The following AGMO variants were observed in gnomAD, a reference collection of about 807,000 sequenced individuals.
The protein encoded by AGMO is alkylglycerol monooxygenase.
In AGMO, 75 loss-of-function variants were observed where a neutral mutation model predicts 60.2. That is an observed-to-expected ratio of 1.25 (90% CI 1.03 to 1.51). AGMO has a LOEUF of 1.51. Among genes scored for constraint, AGMO ranks in the 40% most tolerant of loss-of-function variants. The pLI, the probability that AGMO is intolerant of heterozygous loss-of-function variation, is 0.00. For synonymous variants in AGMO, 261 were observed against 177.1 expected (o/e 1.47, Z -3.76); for missense variants, 763 against 525.5 (o/e 1.45, Z -4.42).
At chr7:15,368,539 A>G (rs2128563201) in intron 10 of AGMO, among the ~76,000 whole-genome samples, 1 of 152,290 alleles carries the variant, frequency 6.6e-6, no homozygotes, top group Non-Finnish European at 1.5e-5. Context: ...TTAAAGCCTC[A>G]GCTATGCGTT....
chr7:15,131,482 C>T, the AGMO span, among the ~76,000 whole-genome samples: 1 of 151,964 alleles, frequency 6.6e-6, no homozygotes, highest in Non-Finnish European at 1.5e-5. Context: ...GAAATAATGG[C>T]GTGGACACCC....
At chr7:15,186,257 T>G in the AGMO span, among the ~76,000 whole-genome samples, 1 of 152,212 alleles carries the variant, frequency 6.6e-6, no homozygotes, top group Non-Finnish European at 1.5e-5. Flanking sequence ...ACTGCAAGCA[T>G]TTTTGGTCAG....
At chr7:15,549,530 G>A (rs1352317970) in intron 2 of AGMO, among the ~76,000 whole-genome samples, 16 of 151,300 alleles carry the variant, frequency 1.1e-4, no homozygotes, top group African/African-American at 1.7e-4. Context: ...GTCTCTGATA[G>A]AACAGACTTT....
chr7:15,554,575 T>C (rs1583685186), intron 2 of AGMO, among the ~76,000 whole-genome samples: 1 of 152,226 alleles, frequency 6.6e-6, no homozygotes, highest in East Asian at 1.9e-4. Context: ...AAATGAAAAG[T>C]AGCTTACTTC....
intron 12 of AGMO, among the ~76,000 whole-genome samples, chr7:15,327,064 G>A (rs757435106): frequency 1.3e-5 from 2 of 152,164 alleles, no homozygotes; most frequent in Admixed American, 1.3e-4. Flanking sequence ...TGAAGGCAGA[G>A]ATTTGAATCC....
intron 12 of AGMO, among the ~76,000 whole-genome samples, chr7:15,331,497 A>G (rs1218445497): frequency 6.6e-6 from 1 of 152,162 alleles, no homozygotes; most frequent in Non-Finnish European, 1.5e-5. Context: ...ATTCAGGGAA[A>G]GGGGTAGAAG....
intron 10 of AGMO, among the ~76,000 whole-genome samples, chr7:15,377,999 T>G (rs1783522944): frequency 6.6e-6 from 1 of 152,072 alleles, no homozygotes; most frequent in Admixed American, 6.6e-5. Context: ...TGGTACACTA[T>G]GCAATTTGTT....
At chr7:15,341,822 G>A (rs1781858243) in intron 12 of AGMO, among the ~76,000 whole-genome samples, 1 of 152,080 alleles carries the variant, frequency 6.6e-6, no homozygotes, top group African/African-American at 2.4e-5. Context: ...GTCTTTCAAG[G>A]CAGCTAGCAA....
intron 3 of AGMO, among the ~76,000 whole-genome samples, chr7:15,523,484 A>G (rs1192142358): frequency 6.6e-6 from 1 of 152,236 alleles, no homozygotes; most frequent in Non-Finnish European, 1.5e-5. Context: ...CATATACACC[A>G]TGGAATACTA....
At chr7:15,194,734 T>C in the AGMO span, among the ~76,000 whole-genome samples, 3 of 152,318 alleles carry the variant, frequency 2.0e-5, no homozygotes, top group Admixed American at 2.0e-4. Flanking sequence ...GAGGGGCTCA[T>C]GGCATCCTGA....
At chr7:15,188,119 T>G in the AGMO span, among the ~76,000 whole-genome samples, 1 of 152,156 alleles carries the variant, frequency 6.6e-6, no homozygotes, top group Admixed American at 6.6e-5. Context: ...TAGACTGGTA[T>G]GGGTCAAACA....
intron 12 of AGMO, among the ~76,000 whole-genome samples, chr7:15,320,733 G>A (rs369675471): frequency 6.6e-6 from 1 of 152,004 alleles, no homozygotes; most frequent in Non-Finnish European, 1.5e-5. Flanking sequence ...TGTTATATAT[G>A]CCTTAATAAA....
intron 12 of AGMO, among the ~76,000 whole-genome samples, chr7:15,328,907 T>C (rs1781422202): frequency 6.6e-6 from 1 of 152,098 alleles, no homozygotes; most frequent in Non-Finnish European, 1.5e-5. Flanking sequence ...CACTCATCTT[T>C]CCATACCAGG....
At chr7:15,128,974 AAGGCTTC>A in the AGMO span, among the ~76,000 whole-genome samples, 1 of 152,038 alleles carries the variant, frequency 6.6e-6, no homozygotes. Flanking sequence ...GAAAAAAGGA[AAGGCTTC>A]AGGTTTCTCC....
At chr7:15,261,164 G>A (rs1038443762) in intron 12 of AGMO, among the ~76,000 whole-genome samples, 1 of 151,702 alleles carries the variant, frequency 6.6e-6, no homozygotes, top group Non-Finnish European at 1.5e-5. Flanking sequence ...AATAATCAGA[G>A]CAGAACTAAA....
At chr7:15,266,977 A>C (rs78933743) in intron 12 of AGMO, among the ~76,000 whole-genome samples, 3,314 of 152,052 alleles carry the variant, frequency 0.022, 135 homozygotes, top group African/African-American at 0.076. Flanking sequence ...GTGATAATAA[A>C]TTCCTTTACT....
At chr7:15,451,472 G>A (rs781733956) in intron 3 of AGMO, among the ~76,000 whole-genome samples, 17 of 152,064 alleles carry the variant, frequency 1.1e-4, no homozygotes, top group African/African-American at 2.2e-4. Flanking sequence ...TTGAGGCTGG[G>A]AATTCTAAGA....
chr7:15,407,918 T>G (rs1474740947), intron 5 of AGMO, among the ~76,000 whole-genome samples: 1 of 151,766 alleles, frequency 6.6e-6, no homozygotes, highest in East Asian at 1.9e-4. Context: ...GTTATCTAAT[T>G]TATCTCTCCA....
intron 12 of AGMO, among the ~76,000 whole-genome samples, chr7:15,205,887 G>C (rs1475247835): frequency 6.6e-6 from 1 of 151,876 alleles, no homozygotes; most frequent in African/African-American, 2.4e-5. Context: ...GTATCAGTGA[G>C]GTTTATAAAA....
Sources: gnomAD v4.1 joint callset for allele counts (sites outside exome capture counted in the v4.1 genomes callset) on GRCh38, gnomAD v4.1.1 for gene constraint, MANE v1.5 for transcripts, NCBI Gene and HGNC (gene_info 2026-07-23, HGNC 2026-07-21) for gene names.